The following REPS2 variants were observed in gnomAD, a reference collection of about 807,000 sequenced individuals.
REPS2 encodes ralBP1-associated Eps domain-containing protein 2.
REPS2 carries 23 observed loss-of-function variants against 53.6 expected under a neutral mutation model. That is an observed-to-expected ratio of 0.43 (90% CI 0.31 to 0.61). The LOEUF is 0.61. REPS2 is among the 20% of genes least tolerant of loss of function. The pLI is 0.11. For missense variants in REPS2, 446 were observed against 534.9 expected (o/e 0.83, Z 1.64); for synonymous variants, 238 against 218.6 (o/e 1.09, Z -0.78).
At chrX:17,138,121 C>G (rs2063395684) in intron 16 of REPS2, 1 of 112,420 alleles carries the variant, frequency 8.9e-6, no homozygotes, top group Non-Finnish European at 1.9e-5. Flanking sequence ...ATCATCCCAA[C>G]CATGGACGGT....
chrX:17,099,976 C>A (rs1030371549), intron 13 of REPS2: 2 of 1,157,544 alleles, frequency 1.7e-6, no homozygotes, highest in African/African-American at 3.6e-5. Context: ...GGCTCCAAAC[C>A]CTGAGCAAAG....
chrX:17,174,306 C>T, the REPS2 span, among the ~76,000 whole-genome samples: 1 of 112,224 alleles, frequency 8.9e-6, no homozygotes, highest in African/African-American at 3.2e-5. Context: ...GGAGTTAATG[C>T]TTGGGCCCGT....
intron 1 of REPS2, among the ~76,000 whole-genome samples, chrX:16,952,495 A>G (rs901694550): frequency 2.7e-5 from 3 of 112,156 alleles, no homozygotes; most frequent in African/African-American, 6.5e-5. Context: ...AAAAAACCCA[A>G]TAAGTGTTGT....
chrX:17,069,630 A>G (rs1479607021), intron 10 of REPS2, among the ~76,000 whole-genome samples: 2 of 111,830 alleles, frequency 1.8e-5, no homozygotes, highest in African/African-American at 3.3e-5. Flanking sequence ...GGGTGTCAGG[A>G]ATGAAAGAGG....
chrX:17,075,077 G>C lies in REPS2; in HGVS notation c.1379+918G>C, dbSNP rs759812207. 4.5e-5 allele frequency among the ~76,000 whole-genome samples: 5 copies of C among 111,902 alleles called. No individual in the cohort carries two copies. The South Asian group carries it at 1.9e-3, about 42-fold the overall frequency. ...TGTTTCCTTGTTTATGTAAGATACA[G>C]ATATCTATATTTTTATATTTATGTG... On this transcript the variant is annotated intron_variant, in intron 12 of 17. Coordinates refer to ENST00000357277, the MANE Select transcript of REPS2 (RefSeq NM_004726.3).
At chrX:16,947,500 G>T (rs774583788) in intron 1 of REPS2, among the ~76,000 whole-genome samples, 2 of 111,939 alleles carry the variant, frequency 1.8e-5, no homozygotes, top group South Asian at 7.5e-4. Context: ...TCTGCTCGCT[G>T]CTCCTGCCCC....
chrX:17,147,392 C>G (rs760221067), intron 17 of REPS2, 21 bp from the exon 18 acceptor site: 8 of 1,173,460 alleles, frequency 6.8e-6, no homozygotes, highest in Non-Finnish European at 8.0e-6. Flanking sequence ...TTTTGTTTTT[C>G]TTGTGTTTTG....
intron 1 of REPS2, among the ~76,000 whole-genome samples, chrX:16,971,127 A>C (rs185680855): frequency 6.8e-4 from 76 of 112,380 alleles, no homozygotes; most frequent in African/African-American, 2.1e-3. Flanking sequence ...TGAGGGTTCC[A>C]GTTTCCCCAC....
At chrX:16,951,500 TACACACACACACACACACAC>T (rs1157042780) in intron 1 of REPS2, among the ~76,000 whole-genome samples, 24 of 60,120 alleles carry the variant, frequency 4.0e-4, no homozygotes, top group Non-Finnish European at 5.2e-4. Context: ...AAACCCCATC[TACACACACACACACACACAC>T]ACACACACAC....
intron 5 of REPS2, among the ~76,000 whole-genome samples, 195 bp from the exon 6 acceptor site, chrX:17,047,152 C>CA (rs1227987501): frequency 1.8e-5 from 2 of 111,578 alleles, no homozygotes; most frequent in African/African-American, 6.5e-5. Flanking sequence ...TTGAAGAATA[C>CA]AAAAAATACA....
chrX:17,052,816 C>T (rs1025482425), intron 7 of REPS2, among the ~76,000 whole-genome samples: 5 of 112,088 alleles, frequency 4.5e-5, no homozygotes, highest in African/African-American at 1.6e-4. Flanking sequence ...GCTTGACAAA[C>T]TATTTTTTAT....
intron 1 of REPS2, among the ~76,000 whole-genome samples, chrX:16,997,528 T>G (rs931122863): frequency 4.4e-5 from 5 of 112,679 alleles, no homozygotes; most frequent in Non-Finnish European, 7.5e-5. Context: ...TGCCTGCATG[T>G]GTGCAGCCAG....
chrX:17,088,318 A>G (rs1450693767), intron 13 of REPS2, among the ~76,000 whole-genome samples: 1 of 111,777 alleles, frequency 8.9e-6, no homozygotes. Context: ...AGGAAACCAG[A>G]CACCCATCTT....
At chrX:17,076,145 T>G (rs1485462779) in intron 12 of REPS2, among the ~76,000 whole-genome samples, 2 of 111,856 alleles carry the variant, frequency 1.8e-5, no homozygotes, top group Non-Finnish European at 3.8e-5. Flanking sequence ...TTCAGGAAAA[T>G]AAAAACTCAC....
At chrX:17,075,021 GTT>G (rs1357433800) in intron 12 of REPS2, among the ~76,000 whole-genome samples, 1 of 111,776 alleles carries the variant, frequency 8.9e-6, no homozygotes, top group African/African-American at 3.3e-5. Context: ...TTATCCTTTA[GTT>G]TATATGTGCA....
intron 9 of REPS2, among the ~76,000 whole-genome samples, chrX:17,062,737 C>G (rs1384771511): frequency 9.0e-6 from 1 of 111,284 alleles, no homozygotes; most frequent in Non-Finnish European, 1.9e-5. Flanking sequence ...TAATTTTTTT[C>G]CCTTTTCTCC....
At chrX:17,017,135 C>T (rs1021250721) in intron 2 of REPS2, among the ~76,000 whole-genome samples, 2 of 111,325 alleles carry the variant, frequency 1.8e-5, no homozygotes, top group African/African-American at 3.3e-5. Context: ...CCATGCCTGG[C>T]TAATTTTTGT....
the REPS2 span, among the ~76,000 whole-genome samples, chrX:17,158,657 G>C: frequency 8.9e-6 from 1 of 111,995 alleles, no homozygotes; most frequent in Non-Finnish European, 1.9e-5. Flanking sequence ...GTTTTGGCAA[G>C]CTGAAGAACA....
chrX:17,132,071 A>G lies in REPS2; in HGVS notation c.1579-1753A>G, dbSNP rs751269852. 7.2e-5 allele frequency among the ~76,000 whole-genome samples: 8 copies of G among 111,777 alleles called. No homozygotes were observed. The South Asian group carries it at 2.7e-3, about 37-fold the overall frequency. Reference sequence around the variant, plus strand: ...AATCAGAAAGCCATGGTAAAACCCAATGAAGTCTTCATTTGGTACCCTGAA... The same window carrying G: ...AATCAGAAAGCCATGGTAAAACCCAGTGAAGTCTTCATTTGGTACCCTGAA... On this transcript the variant is annotated intron_variant, in intron 14 of 17. Transcript: ENST00000357277.
Sources: gnomAD v4.1 joint callset for allele counts (sites outside exome capture counted in the v4.1 genomes callset) on GRCh38, gnomAD v4.1.1 for gene constraint, MANE v1.5 for transcripts, NCBI Gene and HGNC (gene_info 2026-07-23, HGNC 2026-07-21) for gene names.